The following NEMF variants were observed in gnomAD, a reference collection of about 807,000 sequenced individuals.
NEMF encodes ribosome quality control complex subunit NEMF.
Under a neutral mutation model 162.2 loss-of-function variants are expected in NEMF, and 89 were observed. The observed-to-expected ratio is 0.55, with a 90% CI of 0.46 to 0.65. NEMF has a LOEUF of 0.65. Ranked by LOEUF, NEMF falls within the 30% of genes least tolerant of loss-of-function variation. NEMF has a pLI of 0.00. For missense variants in NEMF, 1,133 were observed against 1,261.9 expected (o/e 0.90, Z 1.55); for synonymous variants, 421 against 404.5 (o/e 1.04, Z -0.49).
chr14:49,846,056 G>T lies in NEMF; in HGVS notation c.357+84C>A, dbSNP rs937923704. The T allele has an allele frequency of 3.4e-6, 4 of 1,159,466 alleles. No homozygotes were observed. In the African/African-American group the frequency reaches 4.7e-5, roughly 14 times the overall value. The allele number at this position is 1,159,466 out of a possible 1,614,324, so 71.8% of individuals were successfully genotyped here. A position where few individuals can be genotyped will look rare whatever the true frequency, so the allele number is the denominator to read the frequency against. ...ACAACCTTTGACACAGAAAAAAAAT[G>T]TTCCCCCACTCATGTTATATAGCAC... On this transcript the variant is annotated intron_variant, in intron 4 of 32. Coordinates refer to ENST00000298310, the MANE Select transcript of NEMF (RefSeq NM_004713.6).
Position 49,804,481 on chromosome 14 carries a change from G to C in NEMF, c.1858-1187C>G, listed in dbSNP as rs572402079. On this transcript the variant is annotated intron_variant, in intron 19 of 32. Coordinates refer to ENST00000298310, the MANE Select transcript of NEMF (RefSeq NM_004713.6). ...TTGTGAGGTCAGGAGTTCAAGACCA[G>C]CCTGGCTAAGATGGTGAAACCCTGT... Among the ~76,000 whole-genome samples, 5 of 151,794 alleles carry C rather than the reference G, an allele frequency of 3.3e-5. No individual in the cohort carries two copies. The East Asian group carries it at 9.8e-4, about 30-fold the overall frequency.
chr14:49,806,052 A>AT lies in NEMF; in HGVS notation c.1825dup (p.Ile609AsnfsTer3). On this transcript the variant is annotated frameshift_variant, in exon 19 of 33. Coordinates refer to ENST00000298310, the MANE Select transcript of NEMF (RefSeq NM_004713.6). LOFTEE classifies it high-confidence loss of function. ...ATGGTACACCCACCAAGCACTAGTGATAACTCGTGCATCCCAAGCAGCACT... is the reference window on the plus strand; with the variant it reads ...ATGGTACACCCACCAAGCACTAGTGATTAACTCGTGCATCCCAAGCAGCACT... 1 of 1,611,424 alleles carries AT rather than the reference A, an allele frequency of 6.2e-7. No individual in the cohort carries two copies. Among genetic ancestry groups the AT allele is most frequent in the Non-Finnish European group, 8.5e-7 (1 of 1,178,922 alleles).
chr14:49,810,950 C>G (rs995536933), intron 18 of NEMF, among the ~76,000 whole-genome samples: 8 of 152,156 alleles, frequency 5.3e-5, no homozygotes, highest in African/African-American at 1.7e-4. Flanking sequence ...AATCGCACCA[C>G]TTTATTACAG....
intron 11 of NEMF, among the ~76,000 whole-genome samples, chr14:49,829,652 T>C (rs989892037): frequency 2.0e-5 from 3 of 152,228 alleles, no homozygotes; most frequent in Non-Finnish European, 4.4e-5. Context: ...GAAAGGTATT[T>C]TGATTACAGG....
chr14:49,834,152 G>A, intron 7 of NEMF: 1 of 592,982 alleles, frequency 1.7e-6, no homozygotes, highest in Non-Finnish European at 3.1e-6. Context: ...GTGCAGCTGT[G>A]CAGTCACCAC....
chr14:49,825,868 A>G lies in NEMF; in HGVS notation c.1576T>C (p.Trp526Arg). The G allele has an allele frequency of 6.4e-7, 1 of 1,564,704 alleles. No individual in the cohort carries two copies. ...TSIQKARKVY[W>R]FEKFLWFISS... is the part of the protein sequence containing the mutation. ...ATTTGAAAGAGACAGAACACTTACC[A>G]ATATACTTTTCTTGCTTTTTGAATA... Residue 526 changes from tryptophan to arginine, a missense_variant and splice_region_variant, in exon 16 of 33, where the codon TGG becomes CGG. Trp to Arg is a moderately radical substitution (Grantham distance 101). Around this residue, in one of 3 missense-constraint regions of NEMF, gnomAD observed 582 missense variants for 631.5 expected, o/e 0.92. Coordinates refer to ENST00000298310, the MANE Select transcript of NEMF (RefSeq NM_004713.6).
chr14:49,830,469 T>C (rs541399591), intron 11 of NEMF, among the ~76,000 whole-genome samples: 5 of 152,304 alleles, frequency 3.3e-5, no homozygotes, highest in Admixed American at 1.3e-4. Flanking sequence ...TCTCAGCTCA[T>C]TGCAACCTCC....
intron 7 of NEMF, chr14:49,834,096 G>C (rs756550603): frequency 1.9e-6 from 1 of 538,356 alleles, no homozygotes; most frequent in African/African-American, 1.9e-5. Flanking sequence ...ACTTGTTTTT[G>C]TGGGGTTTTT....
intron 25 of NEMF, among the ~76,000 whole-genome samples, chr14:49,798,600 C>G (rs1890799305): frequency 1.3e-5 from 2 of 152,136 alleles, no homozygotes; most frequent in Non-Finnish European, 2.9e-5. Flanking sequence ...GTCCAAGTTT[C>G]CAAGAACCTA....
At chr14:49,843,673 C>CTAT (rs1473627427) in intron 4 of NEMF, among the ~76,000 whole-genome samples, 1 of 152,192 alleles carries the variant, frequency 6.6e-6, no homozygotes, top group African/African-American at 2.4e-5. Context: ...ATGATATAAC[C>CTAT]TATTGCTCCT....
chr14:49,800,747 G>A, intron 22 of NEMF, 51 bp from the exon 23 acceptor site: 2 of 1,509,184 alleles, frequency 1.3e-6, no homozygotes, highest in South Asian at 2.4e-5. Flanking sequence ...ACCAAGCCAG[G>A]TGATTTCCTA....
chr14:49,798,052 C>G (rs1890773032), intron 25 of NEMF, among the ~76,000 whole-genome samples: 1 of 152,230 alleles, frequency 6.6e-6, no homozygotes, highest in Non-Finnish European at 1.5e-5. Context: ...ACATCCTGTT[C>G]TAGGTTGGTT....
At position 49,795,943 on chromosome 14, in the gene NEMF, C is replaced by T. The variant is rs1174910074; in HGVS notation, c.2467G>A (p.Glu823Lys). Residue 823 changes from glutamate to lysine, a missense_variant and splice_region_variant, in exon 26 of 33, where the codon GAA becomes AAA. Around this residue, in one of 3 missense-constraint regions of NEMF, gnomAD observed 532 missense variants for 578.6 expected, o/e 0.92. Transcript: ENST00000298310. Reference sequence around the variant, plus strand: ...CTTGGAAGTTTTTTCTTTTTCATTTCCCTGAATAAAAAAGACATGAAAACA... The same window carrying T: ...CTTGGAAGTTTTTTCTTTTTCATTTTCCTGAATAAAAAAGACATGAAAACA... ...RRHLSAKERR[E>K]MKKKKLPSDS... The T allele has an allele frequency of 1.0e-5, 16 of 1,583,978 alleles. No homozygotes were observed. The highest frequency in any genetic ancestry group is 1.3e-5 in the Non-Finnish European group (15 of 1,171,240).
rs1031514105 is a variant in NEMF, at chr14:49,800,866, A to G, written c.2096-170T>C. On this transcript the variant is annotated intron_variant, in intron 22 of 32. Coordinates refer to ENST00000298310, the MANE Select transcript of NEMF (RefSeq NM_004713.6). ...ACTCTTAGACAAAAGAATAACCTGT[A>G]TCATGAATAGGTTGAACTAAATGAT... 3 of 608,046 alleles carry G rather than the reference A, an allele frequency of 4.9e-6. No individual in the cohort carries two copies. The Admixed American group carries it at 9.3e-5, about 19-fold the overall frequency. The allele number at this position is 608,046 out of a possible 1,614,324, so 37.7% of individuals were successfully genotyped here.
intron 18 of NEMF, among the ~76,000 whole-genome samples, chr14:49,807,393 T>C (rs1594751861): frequency 6.7e-6 from 1 of 149,376 alleles, no homozygotes; most frequent in Admixed American, 6.6e-5. Flanking sequence ...ATCTTGGGTA[T>C]ATACCTAAGA....
chr14:49,786,360 T>C (rs1890179100), intron 29 of NEMF: 1 of 187,630 alleles, frequency 5.3e-6, no homozygotes, highest in African/African-American at 2.4e-5. Context: ...TTTTACAATA[T>C]GAATAAACTT....
intron 16 of NEMF, chr14:49,820,420 A>G (rs1397947286): frequency 2.2e-6 from 1 of 456,680 alleles, no homozygotes; most frequent in Admixed American, 2.3e-5. Context: ...TCACTGCATG[A>G]CTTCGCTGAA....
At chr14:49,832,173 T>G in intron 9 of NEMF, 34 bp downstream of exon 9, 1 of 1,598,814 alleles carries the variant, frequency 6.3e-7, no homozygotes, top group Non-Finnish European at 8.5e-7. Context: ...TTAACAAACA[T>G]CCAAAGCAAA....
chr14:49,832,231 T>C lies in NEMF; in HGVS notation c.782A>G (p.Asp261Gly), dbSNP rs754302053. 87 of 1,611,052 alleles carry C rather than the reference T, an allele frequency of 5.4e-5. No homozygotes were observed. Among genetic ancestry groups the C allele is most frequent in the Non-Finnish European group, 7.0e-5 (83 of 1,177,730 alleles). ...CGTCAGTATGTCTTCAACTGGTTTATCTGCTTCCAAGCTTGGTTTTATTTC... is the reference window on the plus strand; with the variant it reads ...CGTCAGTATGTCTTCAACTGGTTTACCTGCTTCCAAGCTTGGTTTTATTTC... ...KREIKPSLEA[D>G]KPVEDILTYE... Residue 261 changes from aspartate to glycine, a missense_variant, in exon 9 of 33, where the codon GAT becomes GGT. Physicochemically the swap from Asp to Gly is moderately conservative, Grantham distance 94. Coordinates refer to ENST00000298310, the MANE Select transcript of NEMF (RefSeq NM_004713.6).
Sources: gnomAD v4.1 joint callset for allele counts (sites outside exome capture counted in the v4.1 genomes callset) on GRCh38, gnomAD v4.1.1 for gene constraint, gnomAD v4.1.1 regional missense constraint, MANE v1.5 for transcripts, NCBI Gene and HGNC (gene_info 2026-07-23, HGNC 2026-07-21) for gene names.